Variants in DPYSL3 observed in about 807,000 individuals in gnomAD.
DPYSL3 encodes the protein dihydropyrimidinase-related protein 3.
DPYSL3 carries 16 observed loss-of-function variants against 66.1 expected under a neutral mutation model. That is an observed-to-expected ratio of 0.24 (90% CI 0.16 to 0.37). DPYSL3 has a LOEUF of 0.37. Among genes scored for constraint, DPYSL3 ranks in the 10% least tolerant of loss-of-function variants. The pLI is 1.00. For missense variants in DPYSL3, 738 were observed against 916.2 expected (o/e 0.81, Z 2.51); for synonymous variants, 338 against 345.1 (o/e 0.98, Z 0.23).
At position 147,452,881 on chromosome 5, in the gene DPYSL3, GCACACACACACACA is replaced by G. The variant is rs3995474; in HGVS notation, c.382-27932_382-27919del. ...ATGAAAAATGTAAAGTGCATCGAAG[GCACACACACACACA>G]CACACACACACACACACACACACAC... On this transcript the variant is annotated intron_variant, in intron 1 of 13. Transcript: ENST00000343218. 1.2e-3 allele frequency among the ~76,000 whole-genome samples: 170 copies of G among 137,452 alleles called. 1 individual carries two copies. The highest frequency in any genetic ancestry group is 2.9e-3 in the African/African-American group (107 of 37,220). 90.2% of individuals were successfully genotyped at this position (137,452 alleles called of 152,430 possible).
chr5:147,421,665 T>G (rs879148826), intron 2 of DPYSL3, among the ~76,000 whole-genome samples: 1 of 152,262 alleles, frequency 6.6e-6, no homozygotes, highest in Admixed American at 6.5e-5. Flanking sequence ...AACAGATACA[T>G]AGACCAATGG....
At chr5:147,462,467 T>C (rs1752948097) in intron 1 of DPYSL3, among the ~76,000 whole-genome samples, 1 of 152,126 alleles carries the variant, frequency 6.6e-6, no homozygotes, top group East Asian at 1.9e-4. Flanking sequence ...AACTCTTATC[T>C]ACAAAATGGA....
At chr5:147,408,890 A>G in intron 6 of DPYSL3, 94 bp from the exon 7 acceptor site, 1 of 1,233,788 alleles carries the variant, frequency 8.1e-7, no homozygotes, top group Non-Finnish European at 1.2e-6. Context: ...CTAAAGAATA[A>G]ATATGCGTAT....
rs560250038 is a variant in DPYSL3 at position 147,450,704 on chromosome 5, AAAAAC to A, written c.382-25746_382-25742del. On this transcript the variant is annotated intron_variant, in intron 1 of 13. Coordinates refer to ENST00000343218, the MANE Select transcript of DPYSL3 (RefSeq NM_001197294.2). ...GCAATAAAAATAGGTGGAAGGAGGA[AAAAAC>A]AAAACAAAACAAAAACAACCAATCC... Among the ~76,000 whole-genome samples, 5 of 152,300 alleles carry A rather than the reference AAAAAC, an allele frequency of 3.3e-5. No individual in the cohort carries two copies. The South Asian group carries it at 1.0e-3, about 32-fold the overall frequency.
intron 1 of DPYSL3, among the ~76,000 whole-genome samples, chr5:147,438,216 T>C (rs1752450118): frequency 6.6e-6 from 1 of 152,162 alleles, no homozygotes; most frequent in African/African-American, 2.4e-5. Context: ...TTTCATTGGA[T>C]AGAGAGGTGG....
At chr5:147,492,839 T>C (rs1753437363) in intron 1 of DPYSL3, among the ~76,000 whole-genome samples, 1 of 152,178 alleles carries the variant, frequency 6.6e-6, no homozygotes, top group Non-Finnish European at 1.5e-5. Flanking sequence ...AATCCATCTG[T>C]AACAATAATC....
At chr5:147,478,328 G>A (rs1753189825) in intron 1 of DPYSL3, among the ~76,000 whole-genome samples, 1 of 152,144 alleles carries the variant, frequency 6.6e-6, no homozygotes, top group South Asian at 2.1e-4. Context: ...TTTAAGCTGG[G>A]CACATTGCCT....
intron 2 of DPYSL3, among the ~76,000 whole-genome samples, chr5:147,424,245 CCA>C (rs1561782804): frequency 6.6e-6 from 1 of 152,050 alleles, no homozygotes; most frequent in Non-Finnish European, 1.5e-5. Context: ...TTGGATACAC[CCA>C]GTCTTTTACA....
At chr5:147,398,082 A>G (rs1246752192) in intron 11 of DPYSL3, among the ~76,000 whole-genome samples, 1 of 152,188 alleles carries the variant, frequency 6.6e-6, no homozygotes, top group Non-Finnish European at 1.5e-5. Flanking sequence ...CTCAAGTGGA[A>G]GTCAACTTTT....
At chr5:147,483,305 A>G (rs1753276664) in intron 1 of DPYSL3, among the ~76,000 whole-genome samples, 1 of 152,222 alleles carries the variant, frequency 6.6e-6, no homozygotes, top group Non-Finnish European at 1.5e-5. Flanking sequence ...AAAAGCAAAC[A>G]GTAGCAAGAC....
Position 147,391,732 on chromosome 5 carries a change from A to G in DPYSL3, c.*2303T>C, listed in dbSNP as rs1581165719. 6.6e-6 allele frequency: 1 copy of G among 152,160 alleles called. No individual in the cohort carries two copies. The highest frequency in any genetic ancestry group is 1.9e-4 in the East Asian group (1 of 5,190). 9.4% of individuals were successfully genotyped at this position (152,160 alleles called of 1,614,324 possible). ...ATTCTCGCAATTCCCAGGGATTTCT[A>G]TGCTTGGAGAGTTAGTAATGGTAAG... On this transcript the variant is annotated 3_prime_UTR_variant, in exon 14 of 14. Coordinates refer to ENST00000343218, the MANE Select transcript of DPYSL3 (RefSeq NM_001197294.2).
At position 147,433,830 on chromosome 5, in the gene DPYSL3, G is replaced by A. The variant is rs533704017; in HGVS notation, c.382-8867C>T. 1.3e-4 allele frequency among the ~76,000 whole-genome samples: 20 copies of A among 152,140 alleles called. No homozygotes were observed. In the South Asian group the frequency reaches 3.3e-3, roughly 25 times the overall value. On this transcript the variant is annotated intron_variant, in intron 1 of 13. Coordinates refer to ENST00000343218, the MANE Select transcript of DPYSL3 (RefSeq NM_001197294.2). ...GGGCGGATCACGAGGTCAGGAGATCGAGACCATCCTGGCCAACATGGTGAA... is the reference window on the plus strand; with the variant it reads ...GGGCGGATCACGAGGTCAGGAGATCAAGACCATCCTGGCCAACATGGTGAA...
At chr5:147,459,585 C>T (rs1042375345) in intron 1 of DPYSL3, among the ~76,000 whole-genome samples, 14 of 151,636 alleles carry the variant, frequency 9.2e-5, no homozygotes, top group African/African-American at 3.2e-4. Flanking sequence ...AAACTAACCT[C>T]GGATACACAT....
At chr5:147,457,913 A>G (rs1752876320) in intron 1 of DPYSL3, among the ~76,000 whole-genome samples, 1 of 152,154 alleles carries the variant, frequency 6.6e-6, no homozygotes, top group Non-Finnish European at 1.5e-5. Context: ...TCCGGGAAGG[A>G]CTTCATGGAA....
intron 1 of DPYSL3, among the ~76,000 whole-genome samples, chr5:147,426,910 A>G (rs1752208576): frequency 6.6e-6 from 1 of 152,240 alleles, no homozygotes; most frequent in Admixed American, 6.5e-5. Flanking sequence ...AACAAACTAC[A>G]TATGTGGCAA....
At chr5:147,484,247 C>G (rs1753293793) in intron 1 of DPYSL3, among the ~76,000 whole-genome samples, 1 of 152,224 alleles carries the variant, frequency 6.6e-6, no homozygotes, top group Non-Finnish European at 1.5e-5. Flanking sequence ...CTCCCCCATC[C>G]TCCTCCCCTT....
intron 10 of DPYSL3, among the ~76,000 whole-genome samples, chr5:147,399,806 A>G (rs1758116896): frequency 6.6e-6 from 1 of 152,230 alleles, no homozygotes; most frequent in Non-Finnish European, 1.5e-5. Flanking sequence ...TCTTGGAACT[A>G]TTCCAAATAG....
chr5:147,395,506 T>C (rs1259229833), intron 13 of DPYSL3, 53 bp downstream of exon 13: 2 of 1,559,444 alleles, frequency 1.3e-6, no homozygotes, highest in East Asian at 2.4e-5. Flanking sequence ...CCTCAGAACA[T>C]TGATCTTCCC....
intron 1 of DPYSL3, among the ~76,000 whole-genome samples, chr5:147,430,183 A>G (rs1254476831): frequency 6.6e-6 from 1 of 151,992 alleles, no homozygotes; most frequent in Non-Finnish European, 1.5e-5. Context: ...GAAGGGAGGG[A>G]GGAAAGGAGG....
Sources: allele counts gnomAD v4.1 joint callset (sites outside exome capture counted in the v4.1 genomes callset), GRCh38; gene constraint gnomAD v4.1.1; transcripts MANE v1.5; gene names NCBI Gene and HGNC (gene_info 2026-07-23, HGNC 2026-07-21).